The following PXT1 variants were observed in gnomAD, a reference collection of about 807,000 sequenced individuals.
The protein encoded by PXT1 is peroxisomal testis enriched protein 1.
A neutral mutation model predicts 11.0 loss-of-function variants in PXT1; 11 were observed. The observed-to-expected ratio is 1.00, with a 90% CI of 0.63 to 1.66. PXT1 has a LOEUF of 1.66. PXT1 is among the 40% of genes most tolerant of loss of function. PXT1 has a pLI of 0.00. For missense variants in PXT1, 141 were observed against 155.5 expected (o/e 0.91, Z 0.49); for synonymous variants, 43 against 51.4 (o/e 0.84, Z 0.70).
At chr6:36,441,111 G>GAAAAAA (rs970159726) in intron 1 of PXT1, among the ~76,000 whole-genome samples, 1 of 71,226 alleles carries the variant, frequency 1.4e-5, no homozygotes. Context: ...TCCACAAAAA[G>GAAAAAA]AAAAAAAAAA....
intron 2 of PXT1, among the ~76,000 whole-genome samples, chr6:36,431,601 T>C (rs114421560): frequency 0.014 from 2,083 of 152,084 alleles, 44 homozygotes; most frequent in African/African-American, 0.045. Context: ...ACCGTGTCTC[T>C]ACAAAAAATA....
intron 3 of PXT1, among the ~76,000 whole-genome samples, chr6:36,409,115 T>C (rs1334823715): frequency 6.6e-6 from 1 of 152,154 alleles, no homozygotes; most frequent in African/African-American, 2.4e-5. Context: ...ACTCCTGATT[T>C]TGTTCACTAA....
rs1195779292 is a variant in PXT1, at chr6:36,423,593, G to C, written c.169+2321C>G. 2.6e-5 allele frequency among the ~76,000 whole-genome samples: 4 copies of C among 152,220 alleles called. No homozygotes were observed. In the East Asian group the frequency reaches 7.7e-4, roughly 29 times the overall value. ...CACACCAGCGTTATTTATTCTATCA[G>C]TCTTTGGTTACTCTATCTGGCGTTC... On this transcript the variant is annotated intron_variant, in intron 3 of 4. Transcript: ENST00000454782.
chr6:36,413,203 G>C (rs976053606), intron 3 of PXT1, among the ~76,000 whole-genome samples: 1 of 152,114 alleles, frequency 6.6e-6, no homozygotes, highest in Non-Finnish European at 1.5e-5. Context: ...CGGATCACGA[G>C]GTCAGGAGAT....
At chr6:36,439,490 G>A (rs1386897152) in intron 1 of PXT1, among the ~76,000 whole-genome samples, 1 of 151,870 alleles carries the variant, frequency 6.6e-6, no homozygotes, top group East Asian at 2.0e-4. Context: ...GCGCATGCCT[G>A]TAATCCCAGT....
At chr6:36,433,481 G>A (rs1038340501) in intron 2 of PXT1, among the ~76,000 whole-genome samples, 1 of 152,012 alleles carries the variant, frequency 6.6e-6, no homozygotes, top group Admixed American at 6.6e-5. Context: ...CAGTGTCATG[G>A]GGGAACAAAA....
intron 3 of PXT1, among the ~76,000 whole-genome samples, chr6:36,425,385 A>G (rs1774587853): frequency 6.6e-6 from 1 of 152,228 alleles, no homozygotes; most frequent in South Asian, 2.1e-4. Flanking sequence ...ATTCAGGGCT[A>G]ATGGAAACTA....
intron 3 of PXT1, among the ~76,000 whole-genome samples, chr6:36,424,533 G>A (rs897196739): frequency 2.0e-5 from 3 of 152,052 alleles, no homozygotes; most frequent in South Asian, 2.1e-4. Context: ...CCAGCTACTC[G>A]GGAGGCTGAG....
intron 3 of PXT1, among the ~76,000 whole-genome samples, chr6:36,410,148 A>G (rs574246747): frequency 6.7e-6 from 1 of 149,488 alleles, no homozygotes; most frequent in Non-Finnish European, 1.5e-5. Context: ...AAGGAAGGAG[A>G]GAGAGAGAGA....
intron 1 of PXT1, among the ~76,000 whole-genome samples, chr6:36,441,111 G>GAAA (rs970159726): frequency 2.8e-5 from 2 of 71,228 alleles, no homozygotes; most frequent in Admixed American, 1.4e-4. Flanking sequence ...TCCACAAAAA[G>GAAA]AAAAAAAAAA....
At position 36,411,044 on chromosome 6, in the gene PXT1, T is replaced by C. The variant is rs571370538; in HGVS notation, c.170-10460A>G. 4.6e-5 allele frequency among the ~76,000 whole-genome samples: 7 copies of C among 152,370 alleles called. No individual in the cohort carries two copies. The South Asian group carries it at 1.4e-3, about 32-fold the overall frequency. ...AGATCTTGAATACCTGCATAATCAG[T>C]ATGTGTCTTATAATCTCATAATGGC... On this transcript the variant is annotated intron_variant, in intron 3 of 4. Transcript: ENST00000454782.
chr6:36,425,011 T>C (rs891441642), intron 3 of PXT1, among the ~76,000 whole-genome samples: 2 of 152,210 alleles, frequency 1.3e-5, no homozygotes, highest in African/African-American at 4.8e-5. Flanking sequence ...AAATTAGATA[T>C]TAGGTTGAAG....
intron 2 of PXT1, among the ~76,000 whole-genome samples, chr6:36,426,857 A>C (rs1774615691): frequency 6.6e-6 from 1 of 152,020 alleles, no homozygotes; most frequent in Admixed American, 6.5e-5. Context: ...TCCTCCCCAA[A>C]ACAATTCTCA....
At chr6:36,424,761 G>A (rs193029590) in intron 3 of PXT1, among the ~76,000 whole-genome samples, 255 of 152,256 alleles carry the variant, frequency 1.7e-3, no homozygotes, top group African/African-American at 6.1e-3. Context: ...AGTACTTTGG[G>A]AGGCCGAGGC....
chr6:36,405,028 T>C (rs1313706561), intron 3 of PXT1, among the ~76,000 whole-genome samples: 1 of 152,116 alleles, frequency 6.6e-6, no homozygotes, highest in East Asian at 1.9e-4. Context: ...GAAGAAGGCA[T>C]TGTTATTATA....
At chr6:36,414,133 CAATA>C (rs1774414411) in intron 3 of PXT1, among the ~76,000 whole-genome samples, 1 of 150,830 alleles carries the variant, frequency 6.6e-6, no homozygotes, top group Non-Finnish European at 1.5e-5. Flanking sequence ...CAGTAAAACA[CAATA>C]AATAGAGTAA....
At chr6:36,418,971 A>T (rs1774488559) in intron 3 of PXT1, among the ~76,000 whole-genome samples, 1 of 152,242 alleles carries the variant, frequency 6.6e-6, no homozygotes, top group Admixed American at 6.5e-5. Context: ...GTAAGTCCCT[A>T]AGTCGGTGGC....
intron 3 of PXT1, among the ~76,000 whole-genome samples, chr6:36,408,685 G>A (rs1471847516): frequency 7.2e-6 from 1 of 139,248 alleles, no homozygotes; most frequent in African/African-American, 2.7e-5. Flanking sequence ...AGGCAACACA[G>A]GGAGAGCCTG....
At chr6:36,409,773 C>T (rs1386584193) in intron 3 of PXT1, among the ~76,000 whole-genome samples, 3 of 148,126 alleles carry the variant, frequency 2.0e-5, no homozygotes, top group Admixed American at 1.4e-4. Flanking sequence ...CTGCAGTGAG[C>T]CATAATTGTT....
Sources: allele counts gnomAD v4.1 joint callset (sites outside exome capture counted in the v4.1 genomes callset), GRCh38; gene constraint gnomAD v4.1.1; transcripts MANE v1.5; gene names NCBI Gene and HGNC (gene_info 2026-07-23, HGNC 2026-07-21).